SLC39A11: variants seen among roughly 807,000 people sequenced by gnomAD.
SLC39A11 encodes the protein solute carrier family 39 member 11.
In SLC39A11, 33 loss-of-function variants were observed where a neutral mutation model predicts 36.1. The ratio of observed to expected loss-of-function variants is 0.91; its 90% CI spans 0.69 to 1.22. The LOEUF (loss-of-function observed/expected upper bound fraction) is 1.22, where lower values mean the gene tolerates loss of function less well. Ranked by LOEUF, SLC39A11 falls within the 50% of genes most tolerant of loss-of-function variation. SLC39A11 has a pLI of 0.00. For missense variants in SLC39A11, 432 were observed against 430.3 expected (o/e 1.00, Z -0.03); for synonymous variants, 166 against 170.3 (o/e 0.97, Z 0.20).
chr17:73,019,273 C>A (rs966538038), intron 4 of SLC39A11, among the ~76,000 whole-genome samples: 1 of 152,090 alleles, frequency 6.6e-6, no homozygotes, highest in African/African-American at 2.4e-5. Flanking sequence ...AATGAAAGTA[C>A]ATGGAAAAGT....
At chr17:72,736,588 C>A in intron 7 of SLC39A11, 62 bp downstream of exon 7, 1 of 1,414,242 alleles carries the variant, frequency 7.1e-7, no homozygotes, top group Non-Finnish European at 1.0e-6. Context: ...CCAGGTGACA[C>A]GCACACCCAG....
In SLC39A11 at chr17:72,926,673, A is replaced by G. The variant is rs527779387; in HGVS notation, c.430+21079T>C. Among the ~76,000 whole-genome samples, 6 of 151,910 alleles carry G rather than the reference A, an allele frequency of 3.9e-5. No homozygotes were observed. The East Asian group carries it at 9.7e-4, about 24-fold the overall frequency. ...ATAATGCCATCATTCCAAGTTGACC[A>G]TTTCCAGGGAGCCCAATCTCGTTTG... On this transcript the variant is annotated intron_variant, in intron 5 of 9. Coordinates refer to ENST00000255559, the MANE Select transcript of SLC39A11 (RefSeq NM_139177.4).
chr17:72,990,115 A>G (rs16977476), intron 4 of SLC39A11, among the ~76,000 whole-genome samples: 2,313 of 152,292 alleles, frequency 0.015, 61 homozygotes, highest in African/African-American at 0.053. Flanking sequence ...CTGCAAAATT[A>G]ATTAAACAAA....
At chr17:72,875,318 G>C (rs1229766525) in intron 5 of SLC39A11, among the ~76,000 whole-genome samples, 1 of 152,208 alleles carries the variant, frequency 6.6e-6, no homozygotes, top group African/African-American at 2.4e-5. Flanking sequence ...CCGAGGCAGA[G>C]TGGAGCATTT....
At chr17:72,773,766 T>C (rs1251914990) in intron 6 of SLC39A11, among the ~76,000 whole-genome samples, 3 of 152,126 alleles carry the variant, frequency 2.0e-5, no homozygotes, top group African/African-American at 4.8e-5. Context: ...ACCATTTCTA[T>C]GACCATTAAA....
intron 5 of SLC39A11, among the ~76,000 whole-genome samples, chr17:72,942,065 T>TTC (rs1451829183): frequency 2.2e-5 from 3 of 133,692 alleles, no homozygotes; most frequent in Non-Finnish European, 4.6e-5. Flanking sequence ...ATTATTATTA[T>TTC]TTTTTTTTTA....
At chr17:72,832,193 G>A (rs1329921892) in intron 6 of SLC39A11, among the ~76,000 whole-genome samples, 2 of 152,142 alleles carry the variant, frequency 1.3e-5, no homozygotes, top group Non-Finnish European at 2.9e-5. Context: ...CTTAGGGCAG[G>A]TAATACCCAA....
chr17:73,016,480 T>C (rs2058170854), intron 4 of SLC39A11, among the ~76,000 whole-genome samples: 1 of 152,082 alleles, frequency 6.6e-6, no homozygotes, highest in African/African-American at 2.4e-5. Flanking sequence ...ATTACAGGCA[T>C]GTACCACCAC....
chr17:73,028,809 T>TAA (rs59124161), intron 4 of SLC39A11, among the ~76,000 whole-genome samples: 357 of 141,566 alleles, frequency 2.5e-3, no homozygotes, highest in African/African-American at 6.3e-3. Flanking sequence ...CCAAAAGGTT[T>TAA]AAAAAAAAAA....
intron 5 of SLC39A11, among the ~76,000 whole-genome samples, chr17:72,929,484 A>G (rs1382046562): frequency 6.6e-6 from 1 of 152,160 alleles, no homozygotes; most frequent in Non-Finnish European, 1.5e-5. Context: ...TCATGGTGAG[A>G]GCCCAAATAA....
At chr17:72,923,998 T>C (rs2147303292) in intron 5 of SLC39A11, among the ~76,000 whole-genome samples, 1 of 151,560 alleles carries the variant, frequency 6.6e-6, no homozygotes, top group South Asian at 2.1e-4. Flanking sequence ...TTTTTAAAAA[T>C]TACCCAGGCA....
At chr17:72,660,220 C>A (rs552474413) in intron 7 of SLC39A11, among the ~76,000 whole-genome samples, 72 of 152,314 alleles carry the variant, frequency 4.7e-4, no homozygotes, top group African/African-American at 1.6e-3. Context: ...CCACTGCAAC[C>A]GCCTGCGGTT....
rs553728910 is a variant in SLC39A11 at position 72,715,335 on chromosome 17, G to T, written c.671+21315C>A. 3.3e-3 allele frequency among the ~76,000 whole-genome samples: 501 copies of T among 152,340 alleles called. 5 individuals carry two copies. The highest frequency in any genetic ancestry group is 0.011 in the African/African-American group (474 of 41,570). On this transcript the variant is annotated intron_variant, in intron 7 of 9. Coordinates refer to ENST00000255559, the MANE Select transcript of SLC39A11 (RefSeq NM_139177.4). ...AGAACCTCAAGTGGGGTCTTGAAGA[G>T]ATATTCTTACATTCATGTTCACAAG...
At chr17:72,884,797 A>G (rs907844476) in intron 5 of SLC39A11, among the ~76,000 whole-genome samples, 2 of 152,268 alleles carry the variant, frequency 1.3e-5, no homozygotes, top group Non-Finnish European at 2.9e-5. Flanking sequence ...AGTCTTTTCA[A>G]ATGGATAGCT....
At chr17:73,030,781 T>A (rs1598929200) in intron 4 of SLC39A11, among the ~76,000 whole-genome samples, 1 of 152,196 alleles carries the variant, frequency 6.6e-6, no homozygotes, top group East Asian at 1.9e-4. Context: ...ATGACAGGGC[T>A]TTAGCCAATG....
At chr17:72,980,425 AGCTTTGTTCTTAGGCAGAAAC>A (rs1236962320) in intron 4 of SLC39A11, among the ~76,000 whole-genome samples, 3 of 152,222 alleles carry the variant, frequency 2.0e-5, no homozygotes, top group Non-Finnish European at 4.4e-5. Flanking sequence ...TGGAGTGGTG[AGCTTTGTTCTTAGGCAGAAAC>A]GCTCATCGTC....
chr17:72,710,529 C>T (rs1225430358), intron 7 of SLC39A11, among the ~76,000 whole-genome samples: 1 of 152,162 alleles, frequency 6.6e-6, no homozygotes, highest in African/African-American at 2.4e-5. Flanking sequence ...CAACAAGGTG[C>T]CATTTGTGGA....
rs755324363 is a variant in SLC39A11, at chr17:72,989,858, G to C, written c.306+41698C>G. On this transcript the variant is annotated intron_variant, in intron 4 of 9. Coordinates refer to ENST00000255559, the MANE Select transcript of SLC39A11 (RefSeq NM_139177.4). ...ACAGAAATTACGAAACTTATTTAGGGACATAACTGTCACCTAGGATAAAAT... is the reference window on the plus strand; with the variant it reads ...ACAGAAATTACGAAACTTATTTAGGCACATAACTGTCACCTAGGATAAAAT... Among the ~76,000 whole-genome samples, 3 of 152,302 alleles carry C rather than the reference G, an allele frequency of 2.0e-5. No individual in the cohort carries two copies. In the Middle Eastern group the frequency reaches 0.01, roughly 518 times the overall value.
intron 5 of SLC39A11, among the ~76,000 whole-genome samples, chr17:72,945,868 G>A (rs2085401412): frequency 6.6e-6 from 1 of 152,170 alleles, no homozygotes; most frequent in African/African-American, 2.4e-5. Flanking sequence ...GCTTGCCAAT[G>A]TTTACCTTTT....
Sources: allele counts gnomAD v4.1 joint callset (sites outside exome capture counted in the v4.1 genomes callset), GRCh38; gene constraint gnomAD v4.1.1; transcripts MANE v1.5; gene names NCBI Gene and HGNC (gene_info 2026-07-23, HGNC 2026-07-21).